PDIA4: variants seen among roughly 807,000 people sequenced by gnomAD.
The protein encoded by PDIA4 is protein disulfide isomerase family A member 4, also known as protein disulfide-isomerase A4.
PDIA4 carries 33 observed loss-of-function variants against 62.1 expected under a neutral mutation model. The ratio of observed to expected loss-of-function variants is 0.53; its 90% CI spans 0.40 to 0.71. PDIA4 has a LOEUF of 0.71. PDIA4 is among the 30% of genes least tolerant of loss of function. PDIA4 has a pLI of 0.00. For synonymous variants in PDIA4, 341 were observed against 324.1 expected (o/e 1.05, Z -0.56); for missense variants, 804 against 813.6 (o/e 0.99, Z 0.14).
At chr7:149,008,008 C>G in intron 7 of PDIA4, 151 bp downstream of exon 7, 1 of 717,056 alleles carries the variant, frequency 1.4e-6, no homozygotes, top group Admixed American at 3.3e-5. Flanking sequence ...TGCAGAAAAC[C>G]TGTGGGGTGG....
rs148374496 is a variant in PDIA4, at chr7:149,023,886, G to A, written c.89-2739C>T. 2.0e-5 allele frequency among the ~76,000 whole-genome samples: 3 copies of A among 152,296 alleles called. No individual in the cohort carries two copies. In the East Asian group the frequency reaches 5.8e-4, roughly 29 times the overall value. On this transcript the variant is annotated intron_variant, in intron 1 of 9. Transcript: ENST00000652332. ...TGTGACAGAGCTCTCATGATTAAGT[G>A]GGAGCTGACTAGTCACCATGGGACA...
chr7:149,028,276 A>C, intron 1 of PDIA4, 45 bp downstream of exon 1: 1 of 1,405,248 alleles, frequency 7.1e-7, no homozygotes, highest in South Asian at 1.3e-5. Context: ...ACAGCTCTGC[A>C]GCCCCCGCAA....
rs535349110 is a variant in PDIA4, at chr7:149,023,921, T to C, written c.89-2774A>G. On this transcript the variant is annotated intron_variant, in intron 1 of 9. Coordinates refer to ENST00000652332, the MANE Select transcript of PDIA4 (RefSeq NM_004911.5). The stretch of plus-strand genomic sequence containing the variant: ...TAGTCACCATGGGACACAGCATTCC[T>C]AAGAGGCAACTTCTTTCTTGACCCT... Among the ~76,000 whole-genome samples, 7 of 152,320 alleles carry C rather than the reference T, an allele frequency of 4.6e-5. No homozygotes were observed. The South Asian group carries it at 1.4e-3, about 32-fold the overall frequency.
At chr7:149,007,914 T>A (rs1219901148) in intron 7 of PDIA4, among the ~76,000 whole-genome samples, 1 of 152,242 alleles carries the variant, frequency 6.6e-6, no homozygotes, top group Non-Finnish European at 1.5e-5. Context: ...CAAAACCAAG[T>A]GGAGCTCTGC....
intron 3 of PDIA4, among the ~76,000 whole-genome samples, chr7:149,016,997 G>A (rs1486715267): frequency 1.3e-5 from 2 of 152,206 alleles, no homozygotes; most frequent in African/African-American, 4.8e-5. Context: ...ATTGCTTAAA[G>A]GAGCAGAGGA....
chr7:149,005,642 C>G (rs1220980195), intron 8 of PDIA4, among the ~76,000 whole-genome samples: 1 of 152,208 alleles, frequency 6.6e-6, no homozygotes. Flanking sequence ...AGCTCTGCAG[C>G]CTCTGAACTC....
chr7:149,005,105 G>A, intron 9 of PDIA4, 36 bp downstream of exon 9: 1 of 1,519,382 alleles, frequency 6.6e-7, no homozygotes, highest in South Asian at 1.1e-5. Flanking sequence ...GAGCACAGCA[G>A]CTGATGGGAG....
rs147574962 is a variant in PDIA4, at chr7:149,028,382, G to C, written c.27C>G (p.Leu9=). The C allele has an allele frequency of 1.3e-6, 2 of 1,524,332 alleles. No individual in the cohort carries two copies. Among genetic ancestry groups the C allele is most frequent in the Non-Finnish European group, 1.8e-6 (2 of 1,136,898 alleles). 94.4% of individuals were successfully genotyped at this position (1,524,332 alleles called of 1,614,324 possible). Residue 9 remains leucine (L), a synonymous_variant, in exon 1 of 10, where the codon CTC becomes CTG. Transcript: ENST00000652332. Reference sequence around the variant, plus strand: ...GCTGCACCAGCCCCAAGAGCAGCAGGAGCAGGAAGGCTTTCCGGGGCCTCA... The same window carrying C: ...GCTGCACCAGCCCCAAGAGCAGCAGCAGCAGGAAGGCTTTCCGGGGCCTCA... MRPRKAFL[L]LLLLGLVQLL...
At chr7:149,012,115 C>T (rs1823964949) in intron 5 of PDIA4, 40 bp downstream of exon 5, 1 of 1,611,202 alleles carries the variant, frequency 6.2e-7, no homozygotes, top group Non-Finnish European at 8.5e-7. Flanking sequence ...TAGGGAGTTT[C>T]CCTTCCCCAC....
In PDIA4 at chr7:149,003,760, C is replaced by G. The variant is rs749362546; in HGVS notation, c.*34G>C. ...CCCGACCATGGGCCACGCAGGGCGT[C>G]TGCCTCCTCCCACCTTCCGCAGACC... is the stretch of plus-strand genomic sequence containing the variant. On this transcript the variant is annotated 3_prime_UTR_variant, in exon 10 of 10. Coordinates refer to ENST00000652332, the MANE Select transcript of PDIA4 (RefSeq NM_004911.5). 159 of 1,479,746 alleles carry G rather than the reference C, an allele frequency of 1.1e-4. No individual in the cohort carries two copies. Among genetic ancestry groups the G allele is most frequent in the Non-Finnish European group, 1.4e-4 (155 of 1,114,448 alleles). The allele number at this position is 1,479,746 out of a possible 1,614,324, so 91.7% of individuals were successfully genotyped here.
chr7:149,028,192 C>T, intron 1 of PDIA4, 129 bp downstream of exon 1: 3 of 653,552 alleles, frequency 4.6e-6, no homozygotes, highest in Non-Finnish European at 7.7e-6. Context: ...ACCCCGGGCT[C>T]GGCGCCCATC....
Position 149,005,852 on chromosome 7 carries a change from T to TC in PDIA4, c.1288+44dup, listed in dbSNP as rs773785405. 2.5e-5 allele frequency: 36 copies of TC among 1,420,398 alleles called. 1 individual carries two copies. In the African/African-American group the frequency reaches 4.5e-4, roughly 18 times the overall value. The allele number at this position is 1,420,398 out of a possible 1,614,324, so 88.0% of individuals were successfully genotyped here. A position where few individuals can be genotyped will look rare whatever the true frequency, so the allele number is the denominator to read the frequency against. On this transcript the variant is annotated intron_variant, in intron 8 of 9. Coordinates refer to ENST00000652332, the MANE Select transcript of PDIA4 (RefSeq NM_004911.5). Reference sequence around the variant, plus strand: ...ACTCCACCTTGCCTGAAAGAACGAGTCCCCCCACCCCCCACCCCCGCAGGT... The same window carrying TC: ...ACTCCACCTTGCCTGAAAGAACGAGTCCCCCCCACCCCCCACCCCCGCAGGT...
chr7:149,016,533 TTTTTTGAGACAGAG>T (rs1187283909), intron 3 of PDIA4, among the ~76,000 whole-genome samples: 1 of 152,100 alleles, frequency 6.6e-6, no homozygotes, highest in Non-Finnish European at 1.5e-5. Context: ...TACCTTTTTT[TTTTTTGAGACAGAG>T]TCTCGCTGTC....
chr7:149,011,807 G>T, intron 6 of PDIA4, 39 bp downstream of exon 6: 1 of 1,496,452 alleles, frequency 6.7e-7, no homozygotes, highest in Non-Finnish European at 8.9e-7. Flanking sequence ...ACGGCCCAAG[G>T]CACGCACATT....
At chr7:149,021,430 A>G (rs575316676) in intron 1 of PDIA4, among the ~76,000 whole-genome samples, 1 of 144,114 alleles carries the variant, frequency 6.9e-6, no homozygotes, top group African/African-American at 2.6e-5. Context: ...CGGAGGTTAC[A>G]GTGAGCCGAG....
Position 149,012,262 on chromosome 7 carries a change from GT to G in PDIA4, c.712del (p.Thr238ProfsTer18). ...PPIPLAKVDA[T>X]AETDLAKRFD... ...CCTCTTGGCCAGGTCTGTTTCTGCG[GT>G]GGCGTCGACCTTTGCCAGGGGAATT... On this transcript the variant is annotated frameshift_variant, in exon 5 of 10. Coordinates refer to ENST00000652332, the MANE Select transcript of PDIA4 (RefSeq NM_004911.5). LOFTEE classifies it high-confidence loss of function. 1 of 1,614,144 alleles carries G rather than the reference GT, an allele frequency of 6.2e-7. No individual in the cohort carries two copies. The highest frequency in any genetic ancestry group is 8.5e-7 in the Non-Finnish European group (1 of 1,180,014).
intron 1 of PDIA4, 129 bp from the exon 2 acceptor site, chr7:149,021,276 G>C: frequency 1.2e-6 from 1 of 842,988 alleles, no homozygotes; most frequent in Non-Finnish European, 1.8e-6. Context: ...GGATCACGAG[G>C]TCAGGAGTTC....
In PDIA4 at chr7:149,018,600, T is replaced by G. The variant is rs111478416; in HGVS notation, c.475+392A>C. ...TCATGAGCCACTACACCCAGCTAATTGTTGTATTTTTAGTAGAGATGGGGT... is the reference window on the plus strand; with the variant it reads ...TCATGAGCCACTACACCCAGCTAATGGTTGTATTTTTAGTAGAGATGGGGT... On this transcript the variant is annotated intron_variant, in intron 3 of 9. Coordinates refer to ENST00000652332, the MANE Select transcript of PDIA4 (RefSeq NM_004911.5). Among the ~76,000 whole-genome samples, 630 of 152,132 alleles carry G rather than the reference T, an allele frequency of 4.1e-3. 6 individuals are homozygous for G. The highest frequency in any genetic ancestry group is 0.014 in the African/African-American group (593 of 41,500).
chr7:149,011,770 G>A, intron 6 of PDIA4, 76 bp downstream of exon 6: 1 of 1,235,348 alleles, frequency 8.1e-7, no homozygotes, highest in Non-Finnish European at 1.1e-6. Context: ...TGTCCCAGGA[G>A]CTTTCTGAAA....
Sources: gnomAD v4.1 joint callset for allele counts (sites outside exome capture counted in the v4.1 genomes callset) on GRCh38, gnomAD v4.1.1 for gene constraint, MANE v1.5 for transcripts, NCBI Gene and HGNC (gene_info 2026-07-23, HGNC 2026-07-21) for gene names.